Variants in MTFR1 observed in about 807,000 individuals in gnomAD.
The protein encoded by MTFR1 is chondrocyte protein with a poly-proline region.
MTFR1 carries 28 observed loss-of-function variants against 38.8 expected under a neutral mutation model. The observed-to-expected ratio is 0.72, with a 90% confidence interval of 0.53 to 0.99. The LOEUF (loss-of-function observed/expected upper bound fraction) is 0.99, where lower values mean the gene tolerates loss of function less well. Among genes scored for constraint, MTFR1 ranks in the 50% least tolerant of loss-of-function variants. The probability of loss-of-function intolerance (pLI) is 0.00; values close to 1 mark genes in which losing one functional copy is unlikely to be tolerated. For synonymous variants in MTFR1, 145 were observed against 137.0 expected (o/e 1.06, Z -0.41); for missense variants, 358 against 395.5 (o/e 0.91, Z 0.81).
intron 4 of MTFR1, among the ~76,000 whole-genome samples, chr8:65,694,884 T>C (rs558704998): frequency 6.6e-6 from 1 of 152,280 alleles, no homozygotes; most frequent in African/African-American, 2.4e-5. Context: ...CCAGGAGACA[T>C]TGTGGCATGT....
At position 65,673,400 on chromosome 8, in the gene MTFR1, A is replaced by G. The variant is rs573085815; in HGVS notation, c.66+3382A>G. Among the ~76,000 whole-genome samples, 289 of 150,392 alleles carry G rather than the reference A, an allele frequency of 1.9e-3. 1 individual carries two copies. The highest frequency in any genetic ancestry group is 8.5e-3 in the South Asian group (40 of 4,690). On this transcript the variant is annotated intron_variant, in intron 2 of 7. Transcript: ENST00000262146. ...TGATCACCATAATAGATATAATAAG[A>G]ATGCATAAGTCAGGGCCTGGCCTGT...
downstream of MTFR1, among the ~76,000 whole-genome samples, chr8:65,772,750 T>C (rs753694838): frequency 2.6e-5 from 4 of 152,180 alleles, no homozygotes; most frequent in Non-Finnish European, 5.9e-5. Context: ...ATGCCTGTAA[T>C]CCCAGCACTT....
chr8:65,776,426 C>A, the MTFR1 span, among the ~76,000 whole-genome samples: 2 of 152,092 alleles, frequency 1.3e-5, no homozygotes, highest in Non-Finnish European at 2.9e-5. Context: ...ATTGTCTTGG[C>A]TATTCTTGGA....
At chr8:65,645,824 C>T (rs889866989) in intron 1 of MTFR1, among the ~76,000 whole-genome samples, 1 of 152,048 alleles carries the variant, frequency 6.6e-6, no homozygotes, top group Non-Finnish European at 1.5e-5. Context: ...TCATCGCACC[C>T]GGCTATCCTG....
At chr8:65,714,140 C>T (rs936019058), downstream of MTFR1, among the ~76,000 whole-genome samples, 8 of 151,106 alleles carry the variant, frequency 5.3e-5, no homozygotes, top group African/African-American at 1.9e-4. Context: ...ATTCTGTCAC[C>T]CAGACATGTT....
chr8:65,724,894 A>G (rs768477754), intron 3 of MTFR1: 1 of 1,608,744 alleles, frequency 6.2e-7, no homozygotes, highest in South Asian at 1.1e-5. Flanking sequence ...CTAGTATCAG[A>G]GCACCTATCT....
rs553260839 is a variant in MTFR1, at chr8:65,703,419, G to GTTTTTTTTTTTTTTT, written c.282-1257_282-1243dup. Among the ~76,000 whole-genome samples, 6 of 50,954 alleles carry GTTTTTTTTTTTTTTT rather than the reference G, an allele frequency of 1.2e-4. 1 individual carries two copies. Among genetic ancestry groups the GTTTTTTTTTTTTTTT allele is most frequent in the African/African-American group, 3.2e-4 (4 of 12,362 alleles). 33.4% of individuals were successfully genotyped at this position (50,954 alleles called of 152,430 possible). A position where few individuals can be genotyped will look rare whatever the true frequency, so the allele number is the denominator to read the frequency against. Reference sequence around the variant, plus strand: ...GGTACATCCATGCTTGATGTCTCTGGTTTTTTTTTTTTTTTTTTTTTTTTT... The same window carrying GTTTTTTTTTTTTTTT: ...GGTACATCCATGCTTGATGTCTCTGGTTTTTTTTTTTTTTTTTTTTTTTTTTTTTTTTTTTTTTTT... On this transcript the variant is annotated intron_variant, in intron 4 of 7. Transcript: ENST00000262146.
At chr8:65,727,550 C>T (rs1806663776) in intron 3 of MTFR1, 2 of 342,846 alleles carry the variant, frequency 5.8e-6, no homozygotes, top group Admixed American at 9.4e-5. Flanking sequence ...CATCCTTAGG[C>T]CATTTCATTT....
At chr8:65,698,732 C>CTT (rs529069971) in intron 4 of MTFR1, among the ~76,000 whole-genome samples, 26 of 143,024 alleles carry the variant, frequency 1.8e-4, no homozygotes, top group African/African-American at 5.8e-4. Context: ...TTGTTCCCTT[C>CTT]TTTTTTTTTT....
chr8:65,689,232 T>C (rs1051054867), intron 3 of MTFR1, among the ~76,000 whole-genome samples: 2 of 152,252 alleles, frequency 1.3e-5, no homozygotes, highest in Admixed American at 1.3e-4. Context: ...TTTACTATTA[T>C]GCCCTTTGCA....
At chr8:65,696,103 C>T (rs1805434119) in intron 4 of MTFR1, among the ~76,000 whole-genome samples, 1 of 152,060 alleles carries the variant, frequency 6.6e-6, no homozygotes, top group Admixed American at 6.6e-5. Context: ...GAAAAACTAG[C>T]AAGTTTCAAT....
rs545938638 is a variant in MTFR1 at position 65,709,595 on chromosome 8, A to AGAG, written c.*553_*554insGGA. ...TTGCCTTGAACAGAACTTATATCTTAGATTCTCTCTCACATTTTCTTGGAG... is the reference window on the plus strand; with the variant it reads ...TTGCCTTGAACAGAACTTATATCTTAGAGGATTCTCTCTCACATTTTCTTGGAG... On this transcript the variant is annotated 3_prime_UTR_variant, in exon 8 of 8. Transcript: ENST00000262146. 2.0e-5 allele frequency: 3 copies of AGAG among 152,604 alleles called. No individual in the cohort carries two copies. The highest frequency in any genetic ancestry group is 4.4e-5 in the Non-Finnish European group (3 of 68,244). The allele number at this position is 152,604 out of a possible 1,614,324, so 9.5% of individuals were successfully genotyped here.
intron 3 of MTFR1, chr8:65,728,476 A>C (rs1214034044): frequency 6.6e-6 from 1 of 152,254 alleles, no homozygotes; most frequent in Non-Finnish European, 1.5e-5. Context: ...GCAGAGATGC[A>C]TATTATTTAT....
In MTFR1 at chr8:65,687,502, C is replaced by T. The variant is rs539747490; in HGVS notation, c.165+5051C>T. 3.3e-5 allele frequency among the ~76,000 whole-genome samples: 5 copies of T among 152,044 alleles called. No individual in the cohort carries two copies. The South Asian group carries it at 1.0e-3, about 32-fold the overall frequency. On this transcript the variant is annotated intron_variant, in intron 3 of 7. Coordinates refer to ENST00000262146, the MANE Select transcript of MTFR1 (RefSeq NM_014637.4). ...CTGGGGCTACAGGCACTCGCCACCA[C>T]GCCCGGCTAATTTTTTGTATTTTTA... is the stretch of plus-strand genomic sequence containing the variant.
chr8:65,774,521 C>T (rs1394188643), downstream of MTFR1, among the ~76,000 whole-genome samples: 3 of 151,968 alleles, frequency 2.0e-5, no homozygotes, highest in South Asian at 2.1e-4. Flanking sequence ...AGGAGTCTTT[C>T]GCACTCTTAA....
At chr8:65,720,395 A>T (rs1014359190) in intron 3 of MTFR1, 4 of 154,186 alleles carry the variant, frequency 2.6e-5, no homozygotes, top group Non-Finnish European at 5.9e-5. Flanking sequence ...AATTTTCTTC[A>T]TATCCAAGAC....
intron 2 of MTFR1, among the ~76,000 whole-genome samples, chr8:65,673,429 G>A (rs1487386727): frequency 7.9e-5 from 12 of 151,514 alleles, no homozygotes; most frequent in Non-Finnish European, 5.9e-5. Context: ...GGCCTGTAGA[G>A]GGGTGGGGGG....
Position 65,707,181 on chromosome 8 carries a change from C to T in MTFR1, c.689C>T (p.Pro230Leu). 2 of 1,614,096 alleles carry T rather than the reference C, an allele frequency of 1.2e-6. No individual in the cohort carries two copies. Among genetic ancestry groups the T allele is most frequent in the Non-Finnish European group, 1.7e-6 (2 of 1,179,972 alleles). The change falls in exon 6 of 8, where the codon CCA (proline) becomes CTA (leucine). Residue 230 changes from proline to leucine, a missense_variant. Coordinates refer to ENST00000262146, the MANE Select transcript of MTFR1 (RefSeq NM_014637.4). ...NAGKTLVKNN[P>L]KKPEMPNMLE... ...GGAAAGACTTTGGTTAAGAACAATCCAAAGAAACCTGAAATGCCAAATATG... is the reference window on the plus strand; with the variant it reads ...GGAAAGACTTTGGTTAAGAACAATCTAAAGAAACCTGAAATGCCAAATATG...
chr8:65,733,063 G>A (rs919075729), intron 3 of MTFR1, among the ~76,000 whole-genome samples: 5 of 152,312 alleles, frequency 3.3e-5, no homozygotes, highest in South Asian at 2.1e-4. Flanking sequence ...GGAAATGCCT[G>A]CATTGTAGGG....
Sources: allele counts gnomAD v4.1 joint callset (sites outside exome capture counted in the v4.1 genomes callset), GRCh38; gene constraint gnomAD v4.1.1; transcripts MANE v1.5; gene names NCBI Gene and HGNC (gene_info 2026-07-23, HGNC 2026-07-21).